IGSF21: variants seen among roughly 807,000 people sequenced by gnomAD.
IGSF21 encodes the protein immunoglobulin superfamily member 21.
In IGSF21, 28 loss-of-function variants were observed where a neutral mutation model predicts 46.8. That is an observed-to-expected ratio of 0.60 (90% CI 0.44 to 0.82). The LOEUF is 0.82. IGSF21 is among the 40% of genes least tolerant of loss of function. The pLI, the probability that IGSF21 is intolerant of heterozygous loss-of-function variation, is 0.00. For missense variants in IGSF21, 624 were observed against 665.5 expected, an observed-to-expected ratio of 0.94 and a Z score of 0.69; for synonymous variants, 284 against 273.6, an observed-to-expected ratio of 1.04 and a Z score of -0.38.
At chr1:18,353,551 A>G (rs1227354317) in intron 4 of IGSF21, among the ~76,000 whole-genome samples, 1 of 152,160 alleles carries the variant, frequency 6.6e-6, no homozygotes, top group Non-Finnish European at 1.5e-5. Context: ...AGATAATTAT[A>G]CACTGTGAGG....
chr1:18,278,317 G>A (rs1288089148), intron 2 of IGSF21, among the ~76,000 whole-genome samples: 1 of 151,424 alleles, frequency 6.6e-6, no homozygotes, highest in Non-Finnish European at 1.5e-5. Flanking sequence ...TCAGCTCACT[G>A]CAACCTCTGA....
rs74537144 is a variant in IGSF21 at position 18,253,256 on chromosome 1, G to C, written c.183+25246G>C. 8.4e-3 allele frequency among the ~76,000 whole-genome samples: 1,278 copies of C among 152,282 alleles called. 19 individuals carry two copies. Among genetic ancestry groups the C allele is most frequent in the African/African-American group, 0.029 (1,196 of 41,562 alleles). ...CTTGGCACCTTGCCCAGAGGGCCAG[G>C]GGGGGCCTCAGCAAACCCAAACTTT... is the stretch of plus-strand genomic sequence containing the variant. On this transcript the variant is annotated intron_variant, in intron 2 of 9. Coordinates refer to ENST00000251296, the MANE Select transcript of IGSF21 (RefSeq NM_032880.5).
chr1:18,350,158 G>A (rs2085936963), intron 4 of IGSF21, among the ~76,000 whole-genome samples: 1 of 152,186 alleles, frequency 6.6e-6, no homozygotes, highest in African/African-American at 2.4e-5. Context: ...CACAGGCAGA[G>A]AGGGAAGGAG....
intron 3 of IGSF21, among the ~76,000 whole-genome samples, chr1:18,319,953 A>G (rs2085584601): frequency 6.6e-6 from 1 of 152,156 alleles, no homozygotes; most frequent in East Asian, 1.9e-4. Flanking sequence ...TTTGGTTTCT[A>G]TTGTTCACAG....
intron 2 of IGSF21, chr1:18,278,735 T>C (rs1255343826): frequency 4.7e-6 from 2 of 429,032 alleles, no homozygotes; most frequent in African/African-American, 4.1e-5. Context: ...CTGATATTTT[T>C]TGTAGAGATG....
At chr1:18,297,893 C>T (rs1404185263) in intron 3 of IGSF21, among the ~76,000 whole-genome samples, 1 of 151,998 alleles carries the variant, frequency 6.6e-6, no homozygotes, top group Non-Finnish European at 1.5e-5. Flanking sequence ...GGAAGGCCAA[C>T]TGAAATGTGA....
intron 2 of IGSF21, among the ~76,000 whole-genome samples, chr1:18,233,767 C>G (rs1284257514): frequency 6.6e-6 from 1 of 152,106 alleles, no homozygotes; most frequent in Non-Finnish European, 1.5e-5. Context: ...GGGATATGGG[C>G]AGAGACAACG....
At chr1:18,372,866 G>GTGGA (rs34103654) in intron 6 of IGSF21, among the ~76,000 whole-genome samples, 9 of 115,854 alleles carry the variant, frequency 7.8e-5, no homozygotes, top group Non-Finnish European at 1.2e-4. Flanking sequence ...GGATGGATGG[G>GTGGA]TGGATGGATG....
At chr1:18,276,096 A>C (rs576631023) in intron 2 of IGSF21, among the ~76,000 whole-genome samples, 69 of 152,304 alleles carry the variant, frequency 4.5e-4, no homozygotes, top group African/African-American at 1.5e-3. Flanking sequence ...CCCCCAACCC[A>C]AATGGCTTCA....
intron 2 of IGSF21, among the ~76,000 whole-genome samples, chr1:18,253,594 C>T (rs2084863162): frequency 6.6e-6 from 1 of 152,222 alleles, no homozygotes; most frequent in Non-Finnish European, 1.5e-5. Context: ...GGGAATCTGT[C>T]CTTTGCCAAA....
At chr1:18,168,684 G>A (rs746102550) in intron 1 of IGSF21, among the ~76,000 whole-genome samples, 11 of 152,188 alleles carry the variant, frequency 7.2e-5, no homozygotes, top group South Asian at 2.1e-4. Context: ...CTCCCTATCC[G>A]AATTAACCTG....
At chr1:18,291,817 C>A in intron 2 of IGSF21, 49 bp from the exon 3 acceptor site, 1 of 1,602,340 alleles carries the variant, frequency 6.2e-7, no homozygotes, top group Non-Finnish European at 8.5e-7. Context: ...AAGGGGTGAC[C>A]AGGGCCGGTT....
intron 2 of IGSF21, among the ~76,000 whole-genome samples, chr1:18,251,594 T>A (rs72655158): frequency 2.0e-5 from 3 of 152,286 alleles, no homozygotes; most frequent in Non-Finnish European, 4.4e-5. Flanking sequence ...GCTTAAGTCA[T>A]TTCCACTCAT....
At chr1:18,244,098 T>G (rs1488518064) in intron 2 of IGSF21, among the ~76,000 whole-genome samples, 2 of 152,258 alleles carry the variant, frequency 1.3e-5, no homozygotes, top group African/African-American at 4.8e-5. Context: ...AGTGCCTGAT[T>G]TGGACGACAA....
At chr1:18,344,110 G>A (rs1024491683) in intron 4 of IGSF21, among the ~76,000 whole-genome samples, 8 of 152,084 alleles carry the variant, frequency 5.3e-5, no homozygotes, top group African/African-American at 1.9e-4. Flanking sequence ...TGATTCTCTG[G>A]AATCCCAGCC....
chr1:18,361,980 C>T lies in IGSF21; in HGVS notation c.425-135C>T, dbSNP rs1325110361. On this transcript the variant is annotated intron_variant, in intron 4 of 9. Transcript: ENST00000251296. ...CACTGTAGTGGATACCAATGGCACCCCCTGGAGTTTGGCAACACCTGCCCT... is the reference window on the plus strand; with the variant it reads ...CACTGTAGTGGATACCAATGGCACCTCCTGGAGTTTGGCAACACCTGCCCT... 4.8e-6 allele frequency: 3 copies of T among 626,628 alleles called. No homozygotes were observed. In the African/African-American group the frequency reaches 5.5e-5, roughly 11 times the overall value. 38.8% of individuals were successfully genotyped at this position (626,628 alleles called of 1,614,324 possible).
At chr1:18,145,782 G>T (rs1485496427) in intron 1 of IGSF21, among the ~76,000 whole-genome samples, 1 of 152,224 alleles carries the variant, frequency 6.6e-6, no homozygotes, top group Non-Finnish European at 1.5e-5. Flanking sequence ...TGAGCGTGGA[G>T]GTTAGGGAAG....
At chr1:18,313,571 GAT>G (rs2085511925) in intron 3 of IGSF21, among the ~76,000 whole-genome samples, 2 of 152,180 alleles carry the variant, frequency 1.3e-5, no homozygotes, top group Non-Finnish European at 2.9e-5. Context: ...GGCTGGTGAT[GAT>G]TATGTGCTAA....
At chr1:18,326,160 G>A (rs112633299) in intron 3 of IGSF21, among the ~76,000 whole-genome samples, 3,713 of 152,216 alleles carry the variant, frequency 0.024, 91 homozygotes, top group African/African-American at 0.063. Context: ...TCTGCCTCAC[G>A]GCTCTGTCCA....
Sources: allele counts gnomAD v4.1 joint callset (sites outside exome capture counted in the v4.1 genomes callset), GRCh38; gene constraint gnomAD v4.1.1; transcripts MANE v1.5; gene names NCBI Gene and HGNC (gene_info 2026-07-23, HGNC 2026-07-21).